The following UTS2 variants were observed in gnomAD, a reference collection of about 807,000 sequenced individuals.
UTS2 encodes the protein urotensin-2.
In UTS2, 10 loss-of-function variants were observed where a neutral mutation model predicts 12.6. The ratio of observed to expected loss-of-function variants is 0.80; its 90% CI spans 0.49 to 1.35. UTS2 has a LOEUF of 1.35. Among genes scored for constraint, UTS2 ranks in the 40% most tolerant of loss-of-function variants. The pLI, the probability that UTS2 is intolerant of heterozygous loss-of-function variation, is 0.00. For missense variants in UTS2, 142 were observed against 143.2 expected, an observed-to-expected ratio of 0.99 and a Z score of 0.04; for synonymous variants, 52 against 50.0, an observed-to-expected ratio of 1.04 and a Z score of -0.17.
At chr1:7,877,418 C>A in the UTS2 span, among the ~76,000 whole-genome samples, 9 of 152,114 alleles carry the variant, frequency 5.9e-5, no homozygotes, top group African/African-American at 1.7e-4. Flanking sequence ...AAAAAAGAAC[C>A]AAACATAAAT....
At chr1:7,882,282 C>A in the UTS2 span, among the ~76,000 whole-genome samples, 5 of 152,184 alleles carry the variant, frequency 3.3e-5, no homozygotes, top group East Asian at 9.6e-4. Flanking sequence ...CTGCAGTGAA[C>A]TATGATAGTG....
At chr1:7,907,083 A>AT in the UTS2 span, among the ~76,000 whole-genome samples, 1 of 151,712 alleles carries the variant, frequency 6.6e-6, no homozygotes, top group Non-Finnish European at 1.5e-5. Flanking sequence ...GTAAGACCCC[A>AT]TCTCTACCAA....
chr1:7,897,649 C>T, the UTS2 span, among the ~76,000 whole-genome samples: 4 of 152,048 alleles, frequency 2.6e-5, no homozygotes, highest in African/African-American at 7.3e-5. Flanking sequence ...TGCAATGGTG[C>T]GATCTTGGCT....
chr1:7,897,510 T>C, the UTS2 span, among the ~76,000 whole-genome samples: 1 of 152,230 alleles, frequency 6.6e-6, no homozygotes, highest in African/African-American at 2.4e-5. Flanking sequence ...ATCTTTACAA[T>C]ATGGAGGCTT....
the UTS2 span, among the ~76,000 whole-genome samples, chr1:7,863,066 TTGTA>T: frequency 1.9e-5 from 2 of 106,034 alleles, no homozygotes; most frequent in African/African-American, 7.6e-5. Flanking sequence ...TTGTATTGTA[TTGTA>T]TTGTATTGTA....
the UTS2 span, among the ~76,000 whole-genome samples, chr1:7,860,467 TCACACA>T: frequency 2.6e-5 from 4 of 152,108 alleles, no homozygotes; most frequent in Non-Finnish European, 4.4e-5. Context: ...GAAGGGCAGG[TCACACA>T]GGCTCCGGAA....
At chr1:7,909,328 T>C in the UTS2 span, among the ~76,000 whole-genome samples, 1 of 152,008 alleles carries the variant, frequency 6.6e-6, no homozygotes, top group East Asian at 2.0e-4. Context: ...GCGGATCACC[T>C]GAGCTCGGAA....
chr1:7,907,992 T>G, the UTS2 span, among the ~76,000 whole-genome samples: 8 of 148,860 alleles, frequency 5.4e-5, no homozygotes, highest in African/African-American at 2.0e-4. Context: ...ATGGTGAAAC[T>G]CTGTCTCTAC....
the UTS2 span, among the ~76,000 whole-genome samples, chr1:7,884,003 G>A: frequency 2.0e-5 from 3 of 151,906 alleles, no homozygotes; most frequent in African/African-American, 7.3e-5. Context: ...TAGTAGAGAC[G>A]GGGTTTCTCC....
chr1:7,868,887 A>T, the UTS2 span, among the ~76,000 whole-genome samples: 1 of 152,214 alleles, frequency 6.6e-6, no homozygotes, highest in African/African-American at 2.4e-5. Context: ...GTGCCCTTAT[A>T]AAAACAGGAA....
At chr1:7,894,710 G>A in the UTS2 span, among the ~76,000 whole-genome samples, 5 of 152,226 alleles carry the variant, frequency 3.3e-5, no homozygotes, top group East Asian at 3.9e-4. Flanking sequence ...GGCCGGGCGC[G>A]GTGGCTCACA....
the UTS2 span, among the ~76,000 whole-genome samples, chr1:7,862,993 G>GTATTGTATTGTATT: frequency 4.2e-4 from 8 of 19,200 alleles, 1 homozygote; most frequent in African/African-American, 1.4e-3. Context: ...GTGTTGTGTT[G>GTATTGTATTGTATT]TATTGTATTG....
the UTS2 span, among the ~76,000 whole-genome samples, chr1:7,895,400 C>T: frequency 4.0e-5 from 6 of 151,872 alleles, no homozygotes; most frequent in Non-Finnish European, 8.8e-5. Context: ...AAAAATTAGG[C>T]CTAAACTGAA....
chr1:7,857,881 A>C (rs1026871077), upstream of UTS2, among the ~76,000 whole-genome samples: 1 of 150,014 alleles, frequency 6.7e-6, no homozygotes, highest in Non-Finnish European at 1.5e-5. Flanking sequence ...GCTGTTTTAC[A>C]TTGTCTGTCT....
At chr1:7,849,858 A>T (rs943657210) in intron 2 of UTS2, among the ~76,000 whole-genome samples, 175 bp from the exon 3 acceptor site, 3 of 152,190 alleles carry the variant, frequency 2.0e-5, no homozygotes, top group Non-Finnish European at 4.4e-5. Context: ...TCTCGAATTC[A>T]CAGAAGTCAC....
the UTS2 span, among the ~76,000 whole-genome samples, chr1:7,898,632 C>T: frequency 4.6e-5 from 7 of 152,026 alleles, no homozygotes; most frequent in South Asian, 2.1e-4. Context: ...CCTGCCACTA[C>T]GCCCGGCTAA....
the UTS2 span, among the ~76,000 whole-genome samples, chr1:7,905,946 C>A: frequency 7.1e-6 from 1 of 141,826 alleles, no homozygotes; most frequent in African/African-American, 2.5e-5. Flanking sequence ...GCTTGTCTTG[C>A]TGGGCACACG....
chr1:7,884,343 C>G, the UTS2 span, among the ~76,000 whole-genome samples: 2 of 149,422 alleles, frequency 1.3e-5, no homozygotes, highest in South Asian at 2.1e-4. Context: ...ACTCTGTTGC[C>G]TAGGCTGGAG....
the UTS2 span, among the ~76,000 whole-genome samples, chr1:7,859,988 G>C: frequency 6.7e-5 from 9 of 134,018 alleles, no homozygotes; most frequent in African/African-American, 2.4e-4. Context: ...GACAGAGCGA[G>C]ATCCTGTCTA....
Sources: gnomAD v4.1 joint callset for allele counts (sites outside exome capture counted in the v4.1 genomes callset) on GRCh38, gnomAD v4.1.1 for gene constraint, MANE v1.5 for transcripts, NCBI Gene and HGNC (gene_info 2026-07-23, HGNC 2026-07-21) for gene names.